RABL6: variants seen among roughly 807,000 people sequenced by gnomAD.
RABL6 encodes the protein rab-like protein 6.
Under a neutral mutation model 72.9 loss-of-function variants are expected in RABL6, and 28 were observed. The ratio of observed to expected loss-of-function variants is 0.38; its 90% CI spans 0.28 to 0.53. RABL6 has a LOEUF of 0.53. Ranked by LOEUF, RABL6 falls within the 20% of genes least tolerant of loss-of-function variation. The probability of loss-of-function intolerance (pLI) is 0.80; values close to 1 mark genes in which losing one functional copy is unlikely to be tolerated. For synonymous variants in RABL6, 477 were observed against 421.2 expected, an observed-to-expected ratio of 1.13 and a Z score of -1.62; for missense variants, 1,029 against 1,008.4, an observed-to-expected ratio of 1.02 and a Z score of -0.28.
At chr9:136,838,117 C>A (rs531469564) in intron 10 of RABL6, 102 bp downstream of exon 10, 4 of 1,385,374 alleles carry the variant, frequency 2.9e-6, no homozygotes, top group African/African-American at 1.4e-5. Flanking sequence ...AGGGGCCCCC[C>A]GCCGGCTGGT....
intron 1 of RABL6, chr9:136,810,032 T>G (rs898996695): frequency 3.9e-5 from 6 of 152,244 alleles, no homozygotes; most frequent in Non-Finnish European, 8.8e-5. Flanking sequence ...TAAAAGCTGA[T>G]TTTAAATGTG....
intron 6 of RABL6, 39 bp from the exon 7 acceptor site, chr9:136,832,226 G>C: frequency 6.3e-7 from 1 of 1,575,058 alleles, no homozygotes. Flanking sequence ...ACCAGGGCAA[G>C]GGTCTTTCTC....
chr9:136,840,412 C>CG lies in RABL6; in HGVS notation c.2082dup (p.Pro695AlafsTer12). ...GGAGGAGCGGCGACGGCGGCAGCAGCGGCCCCCGCGCAGCAGGGAGAGGAC... is the reference window on the plus strand; with the variant it reads ...GGAGGAGCGGCGACGGCGGCAGCAGCGGGCCCCCGCGCAGCAGGGAGAGGAC... On this transcript the variant is annotated frameshift_variant, in exon 15 of 15. Transcript: ENST00000311502. LOFTEE classifies it low-confidence loss of function (END_TRUNC). The CG allele has an allele frequency of 1.9e-6, 3 of 1,550,264 alleles. No individual in the cohort carries two copies. The highest frequency in any genetic ancestry group is 2.6e-6 in the Non-Finnish European group (3 of 1,147,024).
At position 136,837,599 on chromosome 9, in the gene RABL6, C is replaced by T. The variant is rs980367413; in HGVS notation, c.1063C>T (p.Arg355Cys). ...PACPSAPAPR[R>C]SIISRLFGTS... Reference sequence around the variant, plus strand: ...GTGCCCCTCAGCCCCCGCCCCACGGCGCAGCATCATCTCTAGGCTGTTTGG... The same window carrying T: ...GTGCCCCTCAGCCCCCGCCCCACGGTGCAGCATCATCTCTAGGCTGTTTGG... Residue 355 changes from arginine (R) to cysteine (C), a missense_variant, in exon 9 of 15, where the codon CGC becomes TGC. Transcript: ENST00000311502. 12 of 1,594,448 alleles carry T rather than the reference C, an allele frequency of 7.5e-6. No individual in the cohort carries two copies. The highest frequency in any genetic ancestry group is 4.0e-5 in the African/African-American group (3 of 74,602).
Position 136,837,535 on chromosome 9 carries a change from G to A in RABL6, c.999G>A (p.Val333=). ...TCAATGCCGCCCCACCATCCTCTGT[G>A]CCCCCTGTACCACCCTCAGAGGCCC... is the stretch of plus-strand genomic sequence containing the variant. ...LPLNAAPPSS[V]PPVPPSEALP... is the part of the protein sequence containing the mutation. Residue 333 remains valine, a synonymous_variant, in exon 9 of 15, where the codon GTG becomes GTA. Transcript: ENST00000311502. 6.5e-7 allele frequency: 1 copy of A among 1,545,024 alleles called. No individual in the cohort carries two copies.
At chr9:136,833,603 C>T (rs1317214067) in intron 7 of RABL6, 2 of 1,435,220 alleles carry the variant, frequency 1.4e-6, no homozygotes, top group Non-Finnish European at 1.9e-6. Context: ...ACCTCCTCGC[C>T]CTGGGCTGCC....
Position 136,839,286 on chromosome 9 carries a change from T to C in RABL6, c.1558T>C (p.Trp520Arg). ...TCCCACGAGGACCGCAGCACCCCCC[T>C]GGCCAGGCGGTGTCTCTGTTCGCAC... is the stretch of plus-strand genomic sequence containing the variant. ...TAPTRTAAPPWPGGVSVRTGP... is the reference protein window; with the variant it reads ...TAPTRTAAPPRPGGVSVRTGP... Residue 520 changes from tryptophan (W) to arginine (R), a missense_variant, in exon 12 of 15, where the codon TGG (tryptophan) becomes CGG (arginine). Physicochemically the swap from Trp to Arg is moderately radical, Grantham distance 101. This residue lies in a region of RABL6 where 595 missense variants were observed against 472.4 expected (regional missense o/e 1.26). Coordinates refer to ENST00000311502, the MANE Select transcript of RABL6 (RefSeq NM_024718.5). 6.2e-7 allele frequency: 1 copy of C among 1,610,818 alleles called. No homozygotes were observed. The highest frequency in any genetic ancestry group is 8.5e-7 in the Non-Finnish European group (1 of 1,179,126).
intron 6 of RABL6, 60 bp downstream of exon 6, chr9:136,831,921 GGT>G (rs1848485601): frequency 6.5e-7 from 1 of 1,541,614 alleles, no homozygotes; most frequent in South Asian, 1.2e-5. Context: ...TGCGGGGGAG[GGT>G]GCTGAGGCAG....
In RABL6 at chr9:136,832,289, C is replaced by A; in HGVS notation, c.624C>A (p.Arg208=). ...GACCTCCAGGTTCCTCCTACTTCCG[C>A]TATGCTGAGTCTTCCATGAAGAACA... The part of the protein sequence containing the change: ...LDRPPGSSYF[R]YAESSMKNSF... Residue 208 remains arginine, a synonymous_variant, in exon 7 of 15, where the codon CGC becomes CGA. Coordinates refer to ENST00000311502, the MANE Select transcript of RABL6 (RefSeq NM_024718.5). 6.2e-7 allele frequency: 1 copy of A among 1,613,874 alleles called. No homozygotes were observed. The highest frequency in any genetic ancestry group is 8.5e-7 in the Non-Finnish European group (1 of 1,179,808).
intron 5 of RABL6, among the ~76,000 whole-genome samples, chr9:136,829,710 C>CA (rs1180118408): frequency 6.6e-6 from 1 of 152,242 alleles, no homozygotes; most frequent in Non-Finnish European, 1.5e-5. Flanking sequence ...GGGCCGGCTG[C>CA]AAAAGGCATC....
In RABL6 at chr9:136,839,098, G is replaced by A; in HGVS notation, c.1470G>A (p.Gln490=). 6.2e-7 allele frequency: 1 copy of A among 1,612,406 alleles called. No individual in the cohort carries two copies. The highest frequency in any genetic ancestry group is 8.5e-7 in the Non-Finnish European group (1 of 1,179,792). Residue 490 remains glutamine (Q), a synonymous_variant, in exon 11 of 15, where the codon CAG becomes CAA. Coordinates refer to ENST00000311502, the MANE Select transcript of RABL6 (RefSeq NM_024718.5). ...AAGGCCCTGCCCCAGCTCCCCAGCA[G>A]TGCTCAGAGCCAGAGACCAAGTGGT... ...PTKGPAPAPQ[Q]CSEPETKWSS... is the part of the protein sequence containing the mutation.
In RABL6 at chr9:136,832,825, G is replaced by A. The variant is rs1848506293; in HGVS notation, c.705+455G>A. 9.5e-6 allele frequency: 3 copies of A among 314,560 alleles called. No individual in the cohort carries two copies. In the Admixed American group the frequency reaches 1.4e-4, roughly 15 times the overall value. The allele number at this position is 314,560 out of a possible 1,614,324, so 19.5% of individuals were successfully genotyped here. On this transcript the variant is annotated intron_variant, in intron 7 of 14. Transcript: ENST00000311502. Reference sequence around the variant, plus strand: ...CACATCTCACATTTCCCTGGTGCTTGTGTCAAAACCAAGGAACCAACTTTG... The same window carrying A: ...CACATCTCACATTTCCCTGGTGCTTATGTCAAAACCAAGGAACCAACTTTG...
intron 4 of RABL6, 147 bp from the exon 5 acceptor site, chr9:136,829,246 A>G (rs748085231): frequency 9.0e-6 from 6 of 669,026 alleles, no homozygotes; most frequent in Non-Finnish European, 1.6e-5. Context: ...ATGTTTAGCT[A>G]TCCCATCTCT....
intron 1 of RABL6, among the ~76,000 whole-genome samples, chr9:136,816,840 G>C (rs926220273): frequency 1.3e-5 from 2 of 152,032 alleles, no homozygotes; most frequent in African/African-American, 4.8e-5. Flanking sequence ...TGGCCATATA[G>C]TAGGTGTGTA....
At position 136,840,497 on chromosome 9, in the gene RABL6, G is replaced by C. The variant is rs1215062673; in HGVS notation, c.2165G>C (p.Gly722Ala). Residue 722 changes from glycine to alanine, a missense_variant, in exon 15 of 15, where the codon GGG becomes GCG. By Grantham distance (60) the Gly-to-Ala change is moderately conservative. Coordinates refer to ENST00000311502, the MANE Select transcript of RABL6 (RefSeq NM_024718.5). Reference protein sequence around the residue: ...GGGAPGGRHPGGGDYEEL With the variant: ...GGGAPGGRHPAGGDYEEL ...GGGGCCCCGGGCGGCCGCCACCCTG[G>C]GGGTGGCGACTACGAGGAGCTCTAG... The C allele has an allele frequency of 4.6e-6, 7 of 1,529,954 alleles. No individual in the cohort carries two copies. Among genetic ancestry groups the C allele is most frequent in the Non-Finnish European group, 6.1e-6 (7 of 1,139,758 alleles). The allele number at this position is 1,529,954 out of a possible 1,614,324, so 94.8% of individuals were successfully genotyped here.
At chr9:136,828,067 G>A in intron 3 of RABL6, 1 of 166,600 alleles carries the variant, frequency 6.0e-6, no homozygotes. Flanking sequence ...GAGAGTCCGT[G>A]CGCTCATCTC....
Position 136,823,678 on chromosome 9 carries a change from C to T in RABL6, c.265+19C>T, listed in dbSNP as rs752253537. The T allele has an allele frequency of 1.6e-5, 25 of 1,591,688 alleles. No individual in the cohort carries two copies. Among genetic ancestry groups the T allele is most frequent in the Non-Finnish European group, 2.1e-5 (25 of 1,165,616 alleles). ...TACAAGAGTAAGTGTGGTGGGTGCCCCAGTGGGTTCGGGCTCCAGGCTTCT... is the reference window on the plus strand; with the variant it reads ...TACAAGAGTAAGTGTGGTGGGTGCCTCAGTGGGTTCGGGCTCCAGGCTTCT... On this transcript the variant is annotated intron_variant, in intron 2 of 14. Coordinates refer to ENST00000311502, the MANE Select transcript of RABL6 (RefSeq NM_024718.5).
At chr9:136,819,341 A>G (rs1848192130) in intron 1 of RABL6, among the ~76,000 whole-genome samples, 1 of 151,112 alleles carries the variant, frequency 6.6e-6, no homozygotes, top group African/African-American at 2.4e-5. Context: ...AAAAAAAAAA[A>G]AAGAAAACCA....
In RABL6 at chr9:136,838,991, C is replaced by T; in HGVS notation, c.1363C>T (p.Pro455Ser). 2 of 1,611,888 alleles carry T rather than the reference C, an allele frequency of 1.2e-6. No individual in the cohort carries two copies. Among genetic ancestry groups the T allele is most frequent in the South Asian group, 1.1e-5 (1 of 90,980 alleles). ...CCTCGAAGACCAGCCACGTGGGAGT[C>T]CCCCGCTGCCTGCAGGCCCCGTCCC... ...VDLEDQPRGS[P>S]PLPAGPVPSQ... Residue 455 changes from proline (P) to serine (S), a missense_variant, in exon 11 of 15, where the codon CCC (proline) becomes TCC (serine). Physicochemically the swap from Pro to Ser is moderately conservative, Grantham distance 74. This residue lies in a region of RABL6 where 595 missense variants were observed against 472.4 expected (regional missense o/e 1.26). Transcript: ENST00000311502.
Sources: allele counts gnomAD v4.1 joint callset (sites outside exome capture counted in the v4.1 genomes callset), GRCh38; gene constraint gnomAD v4.1.1; regional missense constraint gnomAD v4.1.1; transcripts MANE v1.5; gene names NCBI Gene and HGNC (gene_info 2026-07-23, HGNC 2026-07-21).